WWTR1: variants seen among roughly 807,000 people sequenced by gnomAD.
WWTR1 encodes WW domain-containing transcription regulator protein 1.
WWTR1 carries 13 observed loss-of-function variants against 40.1 expected under a neutral mutation model. That is an observed-to-expected ratio of 0.32 (90% CI 0.21 to 0.52). The LOEUF is 0.52. WWTR1 is among the 20% of genes least tolerant of loss of function. The probability of loss-of-function intolerance (pLI) is 0.97; values close to 1 mark genes in which losing one functional copy is unlikely to be tolerated. For missense variants in WWTR1, 436 were observed against 523.1 expected (o/e 0.83, Z 1.63); for synonymous variants, 230 against 210.1 (o/e 1.09, Z -0.82).
At position 149,517,756 on chromosome 3, in the gene WWTR1, A is replaced by G. The variant is rs1734851054; in HGVS notation, c.*3049T>C. The stretch of plus-strand genomic sequence containing the variant: ...TAATACGGTGAAACACTGTCTAAAA[A>G]TTACTTAGATTTAACAGAATTGCAA... On this transcript the variant is annotated 3_prime_UTR_variant, in exon 7 of 7. Transcript: ENST00000360632. 1 of 152,222 alleles carries G rather than the reference A, an allele frequency of 6.6e-6. No individual in the cohort carries two copies. The highest frequency in any genetic ancestry group is 1.5e-5 in the Non-Finnish European group (1 of 68,034). The allele number at this position is 152,222 out of a possible 1,614,324, so 9.4% of individuals were successfully genotyped here. A position where few individuals can be genotyped will look rare whatever the true frequency, so the allele number is the denominator to read the frequency against.
At chr3:149,722,212 C>T (rs1308644643) in intron 4 of WWTR1, among the ~76,000 whole-genome samples, 1 of 151,140 alleles carries the variant, frequency 6.6e-6, no homozygotes, top group Non-Finnish European at 1.5e-5. Flanking sequence ...CTATTATTTT[C>T]CTCTATTCTT....
At chr3:149,680,643 A>G (rs1424907031) in intron 1 of WWTR1, among the ~76,000 whole-genome samples, 1 of 151,512 alleles carries the variant, frequency 6.6e-6, no homozygotes, top group Non-Finnish European at 1.5e-5. Flanking sequence ...AGACCAGCCT[A>G]GGCAACATAG....
At chr3:149,613,355 C>T (rs1347341384) in intron 2 of WWTR1, among the ~76,000 whole-genome samples, 5 of 152,098 alleles carry the variant, frequency 3.3e-5, no homozygotes, top group Non-Finnish European at 7.4e-5. Context: ...CCACTCCCTA[C>T]CATCAGTAAT....
At chr3:149,560,959 C>A (rs933061427) in intron 3 of WWTR1, among the ~76,000 whole-genome samples, 1 of 150,528 alleles carries the variant, frequency 6.6e-6, no homozygotes, top group African/African-American at 2.5e-5. Context: ...AAGTAACACC[C>A]CCCCCCGCAA....
At chr3:149,562,721 A>G (rs1271506032) in intron 3 of WWTR1, among the ~76,000 whole-genome samples, 2 of 151,744 alleles carry the variant, frequency 1.3e-5, no homozygotes, top group Non-Finnish European at 2.9e-5. Flanking sequence ...CTGAGGCTTC[A>G]CTTAAATGAT....
chr3:149,609,854 C>T (rs773870479), intron 2 of WWTR1, among the ~76,000 whole-genome samples: 25 of 152,166 alleles, frequency 1.6e-4, no homozygotes, highest in African/African-American at 4.6e-4. Context: ...ACCCAGAAAA[C>T]GAAGATAAAC....
At chr3:149,672,029 T>C (rs1350649520) in intron 1 of WWTR1, among the ~76,000 whole-genome samples, 3 of 152,164 alleles carry the variant, frequency 2.0e-5, no homozygotes, top group Admixed American at 6.5e-5. Context: ...TTTCATCTTA[T>C]GGCTTCCCTG....
intron 3 of WWTR1, 30 bp from the exon 4 acceptor site, chr3:149,542,567 G>C (rs757612614): frequency 2.5e-6 from 4 of 1,581,862 alleles, no homozygotes; most frequent in South Asian, 2.3e-5. Flanking sequence ...ACAGATTAAT[G>C]ACCAGGGCCC....
intron 3 of WWTR1, among the ~76,000 whole-genome samples, chr3:149,543,391 G>A (rs1313482103): frequency 6.6e-6 from 1 of 151,666 alleles, no homozygotes; most frequent in Non-Finnish European, 1.5e-5. Context: ...GACCATCCTG[G>A]CCAACATGGT....
intron 2 of WWTR1, among the ~76,000 whole-genome samples, chr3:149,626,107 G>A (rs997881555): frequency 1.3e-5 from 2 of 152,178 alleles, no homozygotes; most frequent in Non-Finnish European, 2.9e-5. Flanking sequence ...GCAGGCGCCA[G>A]GAAACAAAAA....
At chr3:149,549,188 G>C (rs533187577) in intron 3 of WWTR1, among the ~76,000 whole-genome samples, 1 of 152,286 alleles carries the variant, frequency 6.6e-6, no homozygotes, top group South Asian at 2.1e-4. Context: ...TCATTCCAAA[G>C]AACACAGGAT....
At chr3:149,612,884 T>A (rs1356908759) in intron 2 of WWTR1, among the ~76,000 whole-genome samples, 1 of 152,168 alleles carries the variant, frequency 6.6e-6, no homozygotes, top group Non-Finnish European at 1.5e-5. Flanking sequence ...AAACATCTCT[T>A]CCTACACAAT....
intron 2 of WWTR1, among the ~76,000 whole-genome samples, chr3:149,618,428 T>G (rs1740109257): frequency 6.6e-6 from 1 of 152,168 alleles, no homozygotes; most frequent in Non-Finnish European, 1.5e-5. Context: ...CAACATGTAT[T>G]TATCTCTAAT....
chr3:149,703,364 G>C (rs1049921386), upstream of WWTR1: 3 of 152,082 alleles, frequency 2.0e-5, no homozygotes. Context: ...CAACCCAAAA[G>C]GGTTTTGCCA....
At position 149,605,429 on chromosome 3, in the gene WWTR1, A is replaced by G. The variant is rs1739441423; in HGVS notation, c.432-32429T>C. 2.6e-5 allele frequency among the ~76,000 whole-genome samples: 4 copies of G among 152,180 alleles called. 1 individual carries two copies. In the South Asian group the frequency reaches 8.3e-4, roughly 31 times the overall value. ...GGAGGAAATGTATGAGGCGGGACTG[A>G]GAGAACTTGGAGGACTGGATGTGAT... On this transcript the variant is annotated intron_variant, in intron 2 of 6. Transcript: ENST00000360632.
At chr3:149,663,427 G>A (rs1713671138) in intron 2 of WWTR1, among the ~76,000 whole-genome samples, 1 of 152,096 alleles carries the variant, frequency 6.6e-6, no homozygotes, top group African/African-American at 2.4e-5. Flanking sequence ...CAGGCGCAGT[G>A]GCTCACGTCT....
chr3:149,548,741 C>T (rs1560055059), intron 3 of WWTR1, among the ~76,000 whole-genome samples: 2 of 152,166 alleles, frequency 1.3e-5, no homozygotes, highest in Non-Finnish European at 1.5e-5. Flanking sequence ...GGCTAGTATG[C>T]GTTTCTTGTT....
chr3:149,570,447 T>C (rs1386401785), intron 3 of WWTR1, among the ~76,000 whole-genome samples: 2 of 152,062 alleles, frequency 1.3e-5, no homozygotes, highest in East Asian at 1.9e-4. Flanking sequence ...TACATGCACA[T>C]AGTCCCAGCT....
chr3:149,606,376 GC>G, intron 2 of WWTR1, among the ~76,000 whole-genome samples: 2 of 152,172 alleles, frequency 1.3e-5, no homozygotes, highest in Non-Finnish European at 2.9e-5. Flanking sequence ...AAACATTCTG[GC>G]CCTATGCATT....
Sources: allele counts gnomAD v4.1 joint callset (sites outside exome capture counted in the v4.1 genomes callset), GRCh38; gene constraint gnomAD v4.1.1; transcripts MANE v1.5; gene names NCBI Gene and HGNC (gene_info 2026-07-23, HGNC 2026-07-21).